Variants in LYPD6 observed in about 807,000 individuals in gnomAD.
LYPD6 encodes the protein ly6/PLAUR domain-containing protein 6.
In LYPD6, 15 loss-of-function variants were observed where a neutral mutation model predicts 22.7. The observed-to-expected ratio is 0.66, with a 90% CI of 0.44 to 1.02. The LOEUF (loss-of-function observed/expected upper bound fraction) is 1.02. LYPD6 is among the 50% of genes least tolerant of loss of function. LYPD6 has a pLI of 0.00. For synonymous variants in LYPD6, 72 were observed against 77.5 expected (o/e 0.93, Z 0.37); for missense variants, 189 against 208.4 (o/e 0.91, Z 0.57).
chr2:149,368,825 G>A (rs6724148), intron 1 of LYPD6, among the ~76,000 whole-genome samples: 3,299 of 152,218 alleles, frequency 0.022, 96 homozygotes, highest in African/African-American at 0.074. Flanking sequence ...CAGGGTGATG[G>A]CACTGGTTGT....
chr2:149,367,314 T>C (rs923625334), intron 1 of LYPD6, among the ~76,000 whole-genome samples: 1 of 152,200 alleles, frequency 6.6e-6, no homozygotes, highest in Non-Finnish European at 1.5e-5. Flanking sequence ...GCTTTTGGAC[T>C]GAGGGCCTCA....
the LYPD6 span, among the ~76,000 whole-genome samples, chr2:149,482,425 G>C: frequency 6.6e-6 from 1 of 152,156 alleles, no homozygotes; most frequent in Non-Finnish European, 1.5e-5. Context: ...ACAAGCATTT[G>C]ACGAAGAAGG....
At chr2:149,393,013 G>A (rs1454519983) in intron 1 of LYPD6, among the ~76,000 whole-genome samples, 2 of 152,176 alleles carry the variant, frequency 1.3e-5, no homozygotes, top group African/African-American at 2.4e-5. Context: ...GCGACAGAGC[G>A]AGACTCCATC....
chr2:149,376,528 G>A (rs1681925697), intron 1 of LYPD6, among the ~76,000 whole-genome samples: 2 of 152,072 alleles, frequency 1.3e-5, no homozygotes, highest in African/African-American at 2.4e-5. Context: ...TCTCCCATCT[G>A]TAAAATACTA....
chr2:149,418,116 C>T (rs577812291), intron 1 of LYPD6, among the ~76,000 whole-genome samples: 11 of 152,252 alleles, frequency 7.2e-5, no homozygotes, highest in South Asian at 2.1e-4. Context: ...TGCATGGGCT[C>T]GATCTCTATG....
chr2:149,337,156 T>C (rs972242852), intron 1 of LYPD6, among the ~76,000 whole-genome samples: 1 of 152,190 alleles, frequency 6.6e-6, no homozygotes, highest in Admixed American at 6.5e-5. Context: ...TCTGTTTCTT[T>C]CCTTTCTGAC....
chr2:149,431,572 G>A (rs780916880), intron 1 of LYPD6, among the ~76,000 whole-genome samples: 2 of 152,210 alleles, frequency 1.3e-5, no homozygotes, highest in African/African-American at 4.8e-5. Flanking sequence ...CTGCAGGAAT[G>A]TAAACAGTCG....
chr2:149,464,197 A>G, intron 3 of LYPD6: 1 of 383,170 alleles, frequency 2.6e-6, no homozygotes, highest in South Asian at 2.1e-5. Context: ...CAGATATCCC[A>G]AATGAGAAAG....
chr2:149,464,671 CAATTAGG>C (rs1341184176), intron 3 of LYPD6, among the ~76,000 whole-genome samples: 1 of 152,098 alleles, frequency 6.6e-6, no homozygotes, highest in Non-Finnish European at 1.5e-5. Flanking sequence ...GATTCCTTGA[CAATTAGG>C]TGGCATTCAT....
At chr2:149,437,128 T>A (rs1173680700) in intron 1 of LYPD6, among the ~76,000 whole-genome samples, 3 of 152,142 alleles carry the variant, frequency 2.0e-5, no homozygotes, top group Non-Finnish European at 2.9e-5. Flanking sequence ...ATTAAGGAGA[T>A]TTTGTGTTAC....
chr2:149,334,260 A>G (rs926888399), intron 1 of LYPD6, among the ~76,000 whole-genome samples: 2 of 152,240 alleles, frequency 1.3e-5, no homozygotes, highest in Non-Finnish European at 2.9e-5. Flanking sequence ...TGTTAAAAAA[A>G]AATCCTTGCA....
chr2:149,446,866 C>G (rs1039921808), intron 2 of LYPD6, among the ~76,000 whole-genome samples: 1 of 152,174 alleles, frequency 6.6e-6, no homozygotes, highest in African/African-American at 2.4e-5. Flanking sequence ...AGGTGAAAAT[C>G]AAAGTGATAT....
At chr2:149,348,169 C>T (rs1681294420) in intron 1 of LYPD6, among the ~76,000 whole-genome samples, 1 of 151,516 alleles carries the variant, frequency 6.6e-6, no homozygotes, top group South Asian at 2.1e-4. Flanking sequence ...CCAACTTGTG[C>T]CAATCATAGT....
chr2:149,347,244 A>G (rs1681274984), intron 1 of LYPD6, among the ~76,000 whole-genome samples: 1 of 152,170 alleles, frequency 6.6e-6, no homozygotes, highest in African/African-American at 2.4e-5. Context: ...CATTAAGAGC[A>G]CTAATGCTAT....
Position 149,330,602 on chromosome 2 carries a change from A to C in LYPD6, c.-192A>C. ...GCTGCGCTCCCTCGCTCCTTCCCTG[A>C]GCTCCCGGGCTCCGGCAGCGGGCTG... On this transcript the variant is annotated 5_prime_UTR_variant, in exon 1 of 5. Transcript: ENST00000334166. The C allele has an allele frequency of 6.6e-6, 1 of 151,146 alleles. No individual in the cohort carries two copies. The highest frequency in any genetic ancestry group is 3.4e-3 in the Middle Eastern group (1 of 292). The allele number at this position is 151,146 out of a possible 1,614,324, so 9.4% of individuals were successfully genotyped here.
chr2:149,465,150 A>T (rs545090378), intron 3 of LYPD6, among the ~76,000 whole-genome samples: 1 of 152,284 alleles, frequency 6.6e-6, no homozygotes, highest in South Asian at 2.1e-4. Context: ...ATATTAGGGA[A>T]AGTGTTGAAA....
intron 3 of LYPD6, among the ~76,000 whole-genome samples, chr2:149,462,441 G>A (rs143550680): frequency 9.2e-5 from 14 of 151,632 alleles, no homozygotes; most frequent in Admixed American, 2.6e-4. Context: ...TGGAAAGACC[G>A]TGTTCATAGA....
intron 1 of LYPD6, among the ~76,000 whole-genome samples, chr2:149,384,846 A>G (rs1323154266): frequency 6.6e-6 from 1 of 151,630 alleles, no homozygotes; most frequent in African/African-American, 2.4e-5. Flanking sequence ...GTCATTTAGC[A>G]TTAGGTATAT....
chr2:149,393,990 G>A (rs1682372026), intron 1 of LYPD6, among the ~76,000 whole-genome samples: 1 of 152,182 alleles, frequency 6.6e-6, no homozygotes, highest in South Asian at 2.1e-4. Context: ...GAGGTAGGGA[G>A]ATATTACACA....
Sources: gnomAD v4.1 joint callset for allele counts (sites outside exome capture counted in the v4.1 genomes callset) on GRCh38, gnomAD v4.1.1 for gene constraint, MANE v1.5 for transcripts, NCBI Gene and HGNC (gene_info 2026-07-23, HGNC 2026-07-21) for gene names.